The following EGFLAM variants were observed in gnomAD, a reference collection of about 807,000 sequenced individuals.
EGFLAM encodes the protein EGF like, fibronectin type III and laminin G domains.
In EGFLAM, 79 loss-of-function variants were observed where a neutral mutation model predicts 113.1. The ratio of observed to expected loss-of-function variants is 0.70; its 90% confidence interval spans 0.58 to 0.84. The LOEUF (loss-of-function observed/expected upper bound fraction) is 0.84, where lower values mean the gene tolerates loss of function less well. Ranked by LOEUF, EGFLAM falls within the 40% of genes least tolerant of loss-of-function variation. The pLI, the probability that EGFLAM is intolerant of heterozygous loss-of-function variation, is 0.00. For missense variants in EGFLAM, 1,265 were observed against 1,291.6 expected (o/e 0.98, Z 0.32); for synonymous variants, 504 against 487.6 (o/e 1.03, Z -0.44).
intron 17 of EGFLAM, among the ~76,000 whole-genome samples, chr5:38,443,393 T>C (rs1042121617): frequency 6.6e-6 from 1 of 152,216 alleles, no homozygotes; most frequent in African/African-American, 2.4e-5. Context: ...GGATTTCTTT[T>C]CTGTGGATGG....
rs772166228 is a variant in EGFLAM, at chr5:38,438,466, G to T, written c.2464+11G>T. ...TTCACTGCCAGAAAGGTACGCTCAGGGGTCTGAGGCACAGCTCCCTGGAGG... is the reference window on the plus strand; with the variant it reads ...TTCACTGCCAGAAAGGTACGCTCAGTGGTCTGAGGCACAGCTCCCTGGAGG... On this transcript the variant is annotated intron_variant, in intron 17 of 21. Transcript: ENST00000322350. 38 of 1,589,914 alleles carry T rather than the reference G, an allele frequency of 2.4e-5. No homozygotes were observed. In the Admixed American group the frequency reaches 6.4e-4, roughly 27 times the overall value.
At position 38,435,151 on chromosome 5, in the gene EGFLAM, G is replaced by A; in HGVS notation, c.2181G>A (p.Gln727=). The change falls in exon 16 of 22, where the codon CAG becomes CAA. Residue 727 remains glutamine (Q), a synonymous_variant. Coordinates refer to ENST00000322350, the MANE Select transcript of EGFLAM (RefSeq NM_152403.4). ...VEGMAEGGFT[Q]IKCNTDIFIG... is the part of the protein sequence containing the mutation. ...TCTTTTGGCAGGGAGGCTTCACACAGATTAAGTGCAACACAGACATTTTCA... is the reference window on the plus strand; with the variant it reads ...TCTTTTGGCAGGGAGGCTTCACACAAATTAAGTGCAACACAGACATTTTCA... The A allele has an allele frequency of 1.2e-6, 2 of 1,614,144 alleles. No homozygotes were observed. The highest frequency in any genetic ancestry group is 1.7e-6 in the Non-Finnish European group (2 of 1,179,996).
chr5:38,310,821 A>G (rs1738420644), intron 1 of EGFLAM, among the ~76,000 whole-genome samples: 1 of 152,192 alleles, frequency 6.6e-6, no homozygotes. Context: ...CAGTTTGGCC[A>G]ATAAACTCTT....
rs1741715783 is a variant in EGFLAM, at chr5:38,418,214, G to A, written c.1643G>A (p.Arg548Lys). Residue 548 changes from arginine to lysine, a missense_variant, in exon 12 of 22, where the codon AGG (arginine) becomes AAG (lysine). Physicochemically the swap from Arg to Lys is conservative, Grantham distance 26. Transcript: ENST00000322350. ...GTGAATGGGAGGAGAATTGACATGA[G>A]GCCCTGGCCCCTGGGAAAAGCACTC... The part of the protein sequence containing the change: ...LAVNGRRIDM[R>K]PWPLGKALSG... 8.7e-6 allele frequency: 14 copies of A among 1,614,116 alleles called. No homozygotes were observed. The highest frequency in any genetic ancestry group is 1.2e-5 in the Non-Finnish European group (14 of 1,180,020).
At chr5:38,409,559 G>T (rs1469669271) in intron 10 of EGFLAM, among the ~76,000 whole-genome samples, 1 of 152,184 alleles carries the variant, frequency 6.6e-6, no homozygotes, top group East Asian at 1.9e-4. Context: ...GCTGCTGAAT[G>T]TTTCTTGAGG....
At chr5:38,277,222 T>C (rs1036009420) in intron 1 of EGFLAM, among the ~76,000 whole-genome samples, 2 of 152,128 alleles carry the variant, frequency 1.3e-5, no homozygotes, top group African/African-American at 2.4e-5. Context: ...ACCGTGATCA[T>C]GTAGGATTCA....
chr5:38,290,309 G>C (rs1267134241), intron 1 of EGFLAM, among the ~76,000 whole-genome samples: 8 of 152,156 alleles, frequency 5.3e-5, no homozygotes, highest in African/African-American at 1.9e-4. Context: ...ACTTGTTCTT[G>C]AGATGTTAAC....
rs1481408238 is a variant in EGFLAM, at chr5:38,274,761, G to T, written c.97+15910G>T. 3.9e-5 allele frequency among the ~76,000 whole-genome samples: 6 copies of T among 152,130 alleles called. No individual in the cohort carries two copies. The East Asian group carries it at 1.2e-3, about 29-fold the overall frequency. On this transcript the variant is annotated intron_variant, in intron 1 of 21. Coordinates refer to ENST00000322350, the MANE Select transcript of EGFLAM (RefSeq NM_152403.4). Reference sequence around the variant, plus strand: ...AATGAGTAATAAAAAAAATCTGAAAGTATAAAACTGAATGGTAAAAGTAAG... The same window carrying T: ...AATGAGTAATAAAAAAAATCTGAAATTATAAAACTGAATGGTAAAAGTAAG...
At chr5:38,372,175 C>T (rs1307529624) in intron 6 of EGFLAM, among the ~76,000 whole-genome samples, 2 of 151,664 alleles carry the variant, frequency 1.3e-5, no homozygotes, top group Non-Finnish European at 1.5e-5. Flanking sequence ...CAGAGACTCA[C>T]TCTGTCACCC....
chr5:38,314,562 C>T (rs1221668651), intron 1 of EGFLAM, among the ~76,000 whole-genome samples: 2 of 152,210 alleles, frequency 1.3e-5, no homozygotes, highest in East Asian at 1.9e-4. Context: ...CAGGGATGTA[C>T]ATGTGACCCT....
At chr5:38,361,065 C>A (rs1739908584) in intron 5 of EGFLAM, among the ~76,000 whole-genome samples, 1 of 150,964 alleles carries the variant, frequency 6.6e-6, no homozygotes, top group African/African-American at 2.4e-5. Flanking sequence ...GGGGTTTCAC[C>A]ATGTTAGCCA....
chr5:38,319,099 C>T (rs975039827), intron 1 of EGFLAM, among the ~76,000 whole-genome samples: 12 of 152,068 alleles, frequency 7.9e-5, no homozygotes, highest in Non-Finnish European at 1.8e-4. Context: ...CCCAGTTGTT[C>T]CTCCACACCT....
intron 18 of EGFLAM, among the ~76,000 whole-genome samples, chr5:38,448,586 A>G (rs551713504): frequency 6.6e-6 from 1 of 152,322 alleles, no homozygotes; most frequent in South Asian, 2.1e-4. Flanking sequence ...AACTTGAGAA[A>G]TTGACCTTTC....
intron 1 of EGFLAM, among the ~76,000 whole-genome samples, chr5:38,292,085 C>T (rs1225715529): frequency 6.6e-6 from 1 of 152,198 alleles, no homozygotes; most frequent in Non-Finnish European, 1.5e-5. Context: ...ACAGAAACTT[C>T]TGGCCACAGA....
At chr5:38,354,887 T>C (rs1739726412) in intron 5 of EGFLAM, among the ~76,000 whole-genome samples, 1 of 152,256 alleles carries the variant, frequency 6.6e-6, no homozygotes, top group South Asian at 2.1e-4. Flanking sequence ...TGGCAGTTTC[T>C]TAACCTTGTG....
rs144199734 is a variant in EGFLAM, at chr5:38,447,699, T to C, written c.2465-602T>C. 5.6e-3 allele frequency among the ~76,000 whole-genome samples: 826 copies of C among 146,872 alleles called. 10 individuals carry two copies. Among genetic ancestry groups the C allele is most frequent in the African/African-American group, 0.02 (799 of 39,276 alleles). The stretch of plus-strand genomic sequence containing the variant: ...TGAACTCAGGAGGTGGAAGTTGCAG[T>C]GAGCCAAGATCGCGCCATTTCACTC... On this transcript the variant is annotated intron_variant, in intron 17 of 21. Transcript: ENST00000322350.
At chr5:38,266,145 T>C (rs565949302) in intron 1 of EGFLAM, among the ~76,000 whole-genome samples, 55 of 152,186 alleles carry the variant, frequency 3.6e-4, no homozygotes, top group Middle Eastern at 3.4e-3. Context: ...ACCAACATTT[T>C]CCCCCCTTAC....
chr5:38,289,389 C>T (rs930958568), intron 1 of EGFLAM, among the ~76,000 whole-genome samples: 3 of 151,930 alleles, frequency 2.0e-5, no homozygotes, highest in Admixed American at 6.6e-5. Flanking sequence ...CTGTATTAGT[C>T]GGAGTAAGCT....
intron 5 of EGFLAM, among the ~76,000 whole-genome samples, chr5:38,363,123 T>C (rs1329409897): frequency 2.0e-5 from 3 of 152,214 alleles, no homozygotes; most frequent in Admixed American, 6.5e-5. Context: ...CTTTTTTTTT[T>C]CCATCTTTGA....
Sources: allele counts gnomAD v4.1 joint callset (sites outside exome capture counted in the v4.1 genomes callset), GRCh38; gene constraint gnomAD v4.1.1; transcripts MANE v1.5; gene names NCBI Gene and HGNC (gene_info 2026-07-23, HGNC 2026-07-21).